The following SMYD3 variants were observed in gnomAD, a reference collection of about 807,000 sequenced individuals.
SMYD3 encodes SET and MYND domain containing 3, also known as histone-lysine N-methyltransferase SMYD3.
In SMYD3, 36 loss-of-function variants were observed where a neutral mutation model predicts 57.7. The observed-to-expected ratio is 0.62, with a 90% CI of 0.48 to 0.82. SMYD3 has a LOEUF of 0.82. Among genes scored for constraint, SMYD3 ranks in the 40% least tolerant of loss-of-function variants. The pLI is 0.00. For missense variants in SMYD3, 515 were observed against 538.8 expected, an observed-to-expected ratio of 0.96 and a Z score of 0.44; for synonymous variants, 211 against 195.0, an observed-to-expected ratio of 1.08 and a Z score of -0.68.
chr1:245,944,511 AT>A (rs1260748606), intron 5 of SMYD3, among the ~76,000 whole-genome samples: 1 of 152,260 alleles, frequency 6.6e-6, no homozygotes, highest in Non-Finnish European at 1.5e-5. Flanking sequence ...AAATGGAAAA[AT>A]ATTCCATGCT....
chr1:246,018,945 T>G (rs2059423977), intron 5 of SMYD3, among the ~76,000 whole-genome samples: 1 of 152,206 alleles, frequency 6.6e-6, no homozygotes, highest in Non-Finnish European at 1.5e-5. Flanking sequence ...GTGTTAAAGG[T>G]ATCAATGCTT....
At chr1:246,224,472 GAT>G (rs2063300556) in intron 5 of SMYD3, among the ~76,000 whole-genome samples, 1 of 152,074 alleles carries the variant, frequency 6.6e-6, no homozygotes, top group South Asian at 2.1e-4. Context: ...CCCAGGGGCA[GAT>G]ATATTAGTAC....
chr1:246,472,942 G>A (rs566701504), intron 1 of SMYD3, among the ~76,000 whole-genome samples: 3 of 138,908 alleles, frequency 2.2e-5, no homozygotes, highest in South Asian at 4.5e-4. Context: ...ACTGCAACCT[G>A]TGCCTCCCGG....
intron 5 of SMYD3, among the ~76,000 whole-genome samples, chr1:246,163,613 A>C (rs1235875987): frequency 6.6e-6 from 1 of 152,210 alleles, no homozygotes; most frequent in Non-Finnish European, 1.5e-5. Context: ...CAATAAAAAC[A>C]CAAATTCAGA....
intron 1 of SMYD3, among the ~76,000 whole-genome samples, chr1:246,397,221 C>A (rs1558443957): frequency 6.6e-6 from 1 of 152,182 alleles, no homozygotes; most frequent in Non-Finnish European, 1.5e-5. Context: ...GTAGCATAAA[C>A]CCTGCTATGA....
chr1:246,184,851 T>G (rs925403582), intron 5 of SMYD3, among the ~76,000 whole-genome samples: 2 of 152,186 alleles, frequency 1.3e-5, no homozygotes, highest in Non-Finnish European at 2.9e-5. Context: ...TTGAGAACTG[T>G]GAGGAATTAT....
rs1025475425 is a variant in SMYD3 at position 245,792,517 on chromosome 1, C to G, written c.1077-28368G>C. On this transcript the variant is annotated intron_variant, in intron 10 of 11. Transcript: ENST00000490107. ...CAGACTATGGGCAAGATTCTGATCA[C>G]TTTGAGAAAAAGACAGAAAAAAAAT... Among the ~76,000 whole-genome samples, 4 of 152,114 alleles carry G rather than the reference C, an allele frequency of 2.6e-5. No homozygotes were observed. In the East Asian group the frequency reaches 7.7e-4, roughly 29 times the overall value.
chr1:246,192,488 C>T (rs983752521), intron 5 of SMYD3, among the ~76,000 whole-genome samples: 3 of 151,454 alleles, frequency 2.0e-5, no homozygotes, highest in East Asian at 2.0e-4. Context: ...ACTCCTGGGC[C>T]GAAGCGATCC....
intron 5 of SMYD3, among the ~76,000 whole-genome samples, chr1:246,217,275 G>A (rs565630512): frequency 6.6e-6 from 1 of 152,032 alleles, no homozygotes; most frequent in Admixed American, 6.5e-5. Flanking sequence ...AGGCCTCAAA[G>A]AATTTCTAAA....
At chr1:245,915,497 G>A (rs1553360495) in intron 8 of SMYD3, 33 bp downstream of exon 8, 5 of 1,359,044 alleles carry the variant, frequency 3.7e-6, no homozygotes, top group South Asian at 1.2e-5. Context: ...ATTTTGCCGT[G>A]GAGGTGTTTC....
At chr1:246,333,878 C>T (rs1308415752) in intron 3 of SMYD3, among the ~76,000 whole-genome samples, 3 of 151,934 alleles carry the variant, frequency 2.0e-5, no homozygotes, top group African/African-American at 7.3e-5. Context: ...CAGAGTGAGA[C>T]CCTGTCTCAA....
At chr1:245,898,004 G>A (rs965210487) in intron 8 of SMYD3, among the ~76,000 whole-genome samples, 15 of 152,128 alleles carry the variant, frequency 9.9e-5, no homozygotes, top group Non-Finnish European at 2.1e-4. Flanking sequence ...AGTGCCTCAG[G>A]CCTCAGTGCA....
intron 1 of SMYD3, among the ~76,000 whole-genome samples, chr1:246,411,854 T>G (rs1053896912): frequency 7.6e-5 from 11 of 144,136 alleles, no homozygotes; most frequent in Non-Finnish European, 1.2e-4. Flanking sequence ...AGGGATAGCA[T>G]TAGGATATAT....
At chr1:246,001,166 T>G (rs1341449810) in intron 5 of SMYD3, among the ~76,000 whole-genome samples, 2 of 152,186 alleles carry the variant, frequency 1.3e-5, no homozygotes, top group Non-Finnish European at 2.9e-5. Context: ...TCGGGCTAGC[T>G]CCAAACGCTG....
intron 1 of SMYD3, among the ~76,000 whole-genome samples, chr1:246,453,761 C>T (rs1052374013): frequency 1.3e-5 from 2 of 152,176 alleles, no homozygotes; most frequent in Admixed American, 6.5e-5. Context: ...TCAGCTAACC[C>T]AATTATGCCC....
chr1:245,824,955 CGA>C (rs2049397509), intron 10 of SMYD3, among the ~76,000 whole-genome samples: 1 of 151,918 alleles, frequency 6.6e-6, no homozygotes, highest in African/African-American at 2.4e-5. Context: ...TGCTTGAACC[CGA>C]GAGGCAGAGG....
At chr1:245,901,055 G>A (rs540243550) in intron 8 of SMYD3, among the ~76,000 whole-genome samples, 3 of 152,348 alleles carry the variant, frequency 2.0e-5, no homozygotes, top group African/African-American at 7.2e-5. Flanking sequence ...ATGGACTCCT[G>A]CAGCATTAGA....
chr1:246,031,340 T>C (rs1316135803), intron 5 of SMYD3, among the ~76,000 whole-genome samples: 1 of 152,164 alleles, frequency 6.6e-6, no homozygotes, highest in Non-Finnish European at 1.5e-5. Context: ...TAAATATATA[T>C]TAAATATCAA....
At chr1:246,023,807 C>G (rs1572904390) in intron 5 of SMYD3, among the ~76,000 whole-genome samples, 1 of 139,512 alleles carries the variant, frequency 7.2e-6, no homozygotes, top group Non-Finnish European at 1.5e-5. Context: ...TATTACAAAA[C>G]TGTGTGTGTG....
Sources: allele counts gnomAD v4.1 joint callset (sites outside exome capture counted in the v4.1 genomes callset), GRCh38; gene constraint gnomAD v4.1.1; transcripts MANE v1.5; gene names NCBI Gene and HGNC (gene_info 2026-07-23, HGNC 2026-07-21).